CNOT6: variants seen among roughly 807,000 people sequenced by gnomAD.
CNOT6 encodes carbon catabolite repression 4 protein.
A neutral mutation model predicts 61.2 loss-of-function variants in CNOT6; 12 were observed. The ratio of observed to expected loss-of-function variants is 0.20; its 90% confidence interval spans 0.13 to 0.32. CNOT6 has a LOEUF of 0.32. CNOT6 is among the 10% of genes least tolerant of loss of function. The probability of loss-of-function intolerance (pLI) is 1.00; values close to 1 mark genes in which losing one functional copy is unlikely to be tolerated. For synonymous variants in CNOT6, 225 were observed against 240.6 expected, an observed-to-expected ratio of 0.94 and a Z score of 0.60; for missense variants, 405 against 663.9, an observed-to-expected ratio of 0.61 and a Z score of 4.28.
At chr5:180,549,455 CTTG>C (rs1285739080) in intron 2 of CNOT6, among the ~76,000 whole-genome samples, 1 of 152,060 alleles carries the variant, frequency 6.6e-6, no homozygotes, top group Non-Finnish European at 1.5e-5. Context: ...CGAGACCATC[CTTG>C]TTAACACCGT....
At chr5:180,500,737 G>T (rs1275219449) in intron 1 of CNOT6, among the ~76,000 whole-genome samples, 2 of 152,134 alleles carry the variant, frequency 1.3e-5, no homozygotes, top group African/African-American at 4.8e-5. Flanking sequence ...ACCTTTGTGG[G>T]GCTTAGAGTC....
At chr5:180,534,021 G>T (rs921458306) in intron 2 of CNOT6, among the ~76,000 whole-genome samples, 2 of 152,230 alleles carry the variant, frequency 1.3e-5, no homozygotes, top group East Asian at 1.9e-4. Flanking sequence ...ACCCATCAGG[G>T]TTGATTGGCA....
At chr5:180,513,520 C>G (rs1373679162) in intron 1 of CNOT6, among the ~76,000 whole-genome samples, 2 of 151,300 alleles carry the variant, frequency 1.3e-5, no homozygotes, top group East Asian at 3.9e-4. Flanking sequence ...GATACAGTCG[C>G]GTGCCACCAG....
intron 2 of CNOT6, among the ~76,000 whole-genome samples, chr5:180,542,690 A>G (rs1759106637): frequency 6.6e-6 from 1 of 152,296 alleles, no homozygotes; most frequent in Admixed American, 6.5e-5. Context: ...ACATAAATTG[A>G]TTTCTCTTGT....
Position 180,550,132 on chromosome 5 carries a change from C to T in CNOT6, c.299+15C>T, listed in dbSNP as rs369577051. ...GTATCACTCAGGTATGCAGATTCAACTTAATACATACTAGCTATATGACCC... is the reference window on the plus strand; with the variant it reads ...GTATCACTCAGGTATGCAGATTCAATTTAATACATACTAGCTATATGACCC... On this transcript the variant is annotated intron_variant, in intron 3 of 11. Transcript: ENST00000261951. 2.5e-6 allele frequency: 4 copies of T among 1,606,634 alleles called. No individual in the cohort carries two copies. The highest frequency in any genetic ancestry group is 3.4e-6 in the Non-Finnish European group (4 of 1,173,626).
chr5:180,549,873 A>G, intron 2 of CNOT6, 58 bp from the exon 3 acceptor site: 3 of 1,300,798 alleles, frequency 2.3e-6, no homozygotes, highest in Non-Finnish European at 3.2e-6. Flanking sequence ...ACTGAAATCT[A>G]CAGAACAAAA....
At chr5:180,573,596 TGTGTGTCCGTCC>T (rs765489601) in intron 11 of CNOT6, among the ~76,000 whole-genome samples, 2 of 42,666 alleles carry the variant, frequency 4.7e-5, no homozygotes, top group South Asian at 1.5e-3. Flanking sequence ...TGTGTGTGTG[TGTGTGTCCGTCC>T]GTCCGTCCGT....
At chr5:180,520,379 C>A (rs1757828139) in intron 1 of CNOT6, among the ~76,000 whole-genome samples, 1 of 152,064 alleles carries the variant, frequency 6.6e-6, no homozygotes, top group African/African-American at 2.4e-5. Flanking sequence ...CGCGGTGGCT[C>A]ACATCTGTAA....
intron 4 of CNOT6, among the ~76,000 whole-genome samples, chr5:180,557,529 T>C (rs1158516589): frequency 6.6e-6 from 1 of 152,244 alleles, no homozygotes; most frequent in Non-Finnish European, 1.5e-5. Context: ...GTTTTTCTTC[T>C]GTGACATTTC....
intron 3 of CNOT6, among the ~76,000 whole-genome samples, chr5:180,553,178 C>T (rs572893531): frequency 3.0e-4 from 45 of 151,324 alleles, no homozygotes; most frequent in African/African-American, 1.0e-3. Flanking sequence ...CCCATTATTT[C>T]ATTTTCTCTA....
intron 2 of CNOT6, 105 bp downstream of exon 2, chr5:180,529,493 AAATGT>A (rs1227919791): frequency 2.6e-5 from 18 of 698,368 alleles, no homozygotes; most frequent in Admixed American, 8.6e-5. Context: ...TATATTTTAC[AAATGT>A]AATGTATTTA....
intron 9 of CNOT6, among the ~76,000 whole-genome samples, chr5:180,568,749 A>G (rs1385959165): frequency 4.6e-5 from 7 of 152,184 alleles, no homozygotes; most frequent in Admixed American, 2.6e-4. Context: ...AAATGGAAAT[A>G]GGACTTAACG....
Position 180,529,304 on chromosome 5 carries a change from G to C in CNOT6, c.28G>C (p.Asp10His), listed in dbSNP as rs753922529. 7 of 1,612,690 alleles carry C rather than the reference G, an allele frequency of 4.3e-6. No individual in the cohort carries two copies. In the Admixed American group the frequency reaches 1.2e-4, roughly 27 times the overall value. The stretch of plus-strand genomic sequence containing the variant: ...GCCCAAAGAAAAATACGAGCCCCCT[G>C]ACCCTCGGAGGATGTATACAATTAT... Reference protein sequence around the residue: MPKEKYEPPDPRRMYTIMSS... With the variant: MPKEKYEPPHPRRMYTIMSS... Residue 10 changes from aspartate (D) to histidine (H), a missense_variant, in exon 2 of 12, where the codon GAC becomes CAC. Physicochemically the swap from Asp to His is moderately conservative, Grantham distance 81. This residue lies in a region of CNOT6 where 212 missense variants were observed against 307.1 expected (regional missense o/e 0.69). Coordinates refer to ENST00000261951, the MANE Select transcript of CNOT6 (RefSeq NM_001370472.1).
rs1760364855 is a variant in CNOT6 at position 180,564,695 on chromosome 5, C to T, written c.511C>T (p.Pro171Ser). 1 of 1,614,072 alleles carries T rather than the reference C, an allele frequency of 6.2e-7. No homozygotes were observed. The highest frequency in any genetic ancestry group is 1.1e-5 in the South Asian group (1 of 91,084). The change falls in exon 6 of 12, where the codon CCA (proline) becomes TCA (serine). Residue 171 changes from proline to serine, a missense_variant. By Grantham distance (74) the Pro-to-Ser change is moderately conservative (BLOSUM62 -1). Transcript: ENST00000261951. ...ACTAGTTACAACAGAACAACCACCT[C>T]CAAGGTCTTGGATTATGTTACAAGA... ...AKRITTEQPP[P>S]RSWIMLQEPD... is the part of the protein sequence containing the mutation.
At chr5:180,551,579 A>G (rs1209771389) in intron 3 of CNOT6, among the ~76,000 whole-genome samples, 3 of 152,178 alleles carry the variant, frequency 2.0e-5, no homozygotes, top group Admixed American at 2.0e-4. Context: ...TATAAGGTAG[A>G]TAAGATCTAA....
intron 2 of CNOT6, among the ~76,000 whole-genome samples, chr5:180,547,652 TTC>T (rs965732034): frequency 6.0e-4 from 92 of 152,250 alleles, no homozygotes; most frequent in African/African-American, 2.0e-3. Context: ...TTTTTAGATT[TTC>T]TCTTTTAAGC....
At chr5:180,509,972 T>C (rs1299463281) in intron 1 of CNOT6, among the ~76,000 whole-genome samples, 1 of 151,676 alleles carries the variant, frequency 6.6e-6, no homozygotes, top group Non-Finnish European at 1.5e-5. Flanking sequence ...AGTCTCAAAA[T>C]GTGTAGTTAT....
intron 2 of CNOT6, among the ~76,000 whole-genome samples, chr5:180,536,337 G>A (rs1264420713): frequency 2.0e-5 from 3 of 151,872 alleles, no homozygotes; most frequent in African/African-American, 7.3e-5. Flanking sequence ...GTTCCTTGTA[G>A]ATTCTATATA....
rs186877277 is a variant in CNOT6, at chr5:180,539,431, A to G, written c.112+10043A>G. 1.8e-3 allele frequency among the ~76,000 whole-genome samples: 272 copies of G among 151,032 alleles called. 1 individual carries two copies. The highest frequency in any genetic ancestry group is 6.2e-3 in the African/African-American group (255 of 41,120). ...TTTTCTTGCTTCTATCATTTTTTAA[A>G]TATCTTTCACCTCATTTTGAAATAC... On this transcript the variant is annotated intron_variant, in intron 2 of 11. Coordinates refer to ENST00000261951, the MANE Select transcript of CNOT6 (RefSeq NM_001370472.1).
Sources: allele counts gnomAD v4.1 joint callset (sites outside exome capture counted in the v4.1 genomes callset), GRCh38; gene constraint gnomAD v4.1.1; regional missense constraint gnomAD v4.1.1; transcripts MANE v1.5; gene names NCBI Gene and HGNC (gene_info 2026-07-23, HGNC 2026-07-21).